The following SYT9 variants were observed in gnomAD, a reference collection of about 807,000 sequenced individuals.
SYT9 encodes synaptotagmin 9, also known as synaptotagmin-9.
Under a neutral mutation model 48.4 loss-of-function variants are expected in SYT9, and 22 were observed. The observed-to-expected ratio is 0.45, with a 90% confidence interval of 0.32 to 0.65. SYT9 has a LOEUF of 0.65. SYT9 is among the 30% of genes least tolerant of loss of function. The probability of loss-of-function intolerance (pLI) is 0.03; values close to 1 mark genes in which losing one functional copy is unlikely to be tolerated. For missense variants in SYT9, 577 were observed against 622.0 expected, an observed-to-expected ratio of 0.93 and a Z score of 0.77; for synonymous variants, 265 against 245.0, an observed-to-expected ratio of 1.08 and a Z score of -0.76.
intron 6 of SYT9, among the ~76,000 whole-genome samples, chr11:7,458,967 C>A (rs936782242): frequency 1.3e-5 from 2 of 152,208 alleles, no homozygotes; most frequent in Admixed American, 6.5e-5. Flanking sequence ...CGTGAGAATA[C>A]CCATTAGGAG....
intron 3 of SYT9, among the ~76,000 whole-genome samples, chr11:7,358,690 A>T (rs1270736921): frequency 6.6e-6 from 1 of 152,176 alleles, no homozygotes; most frequent in Non-Finnish European, 1.5e-5. Flanking sequence ...AGAAGATAAT[A>T]TTGTTTTACA....
chr11:7,369,777 CCA>C (rs141883559), intron 3 of SYT9, among the ~76,000 whole-genome samples: 6 of 123,966 alleles, frequency 4.8e-5, no homozygotes, highest in African/African-American at 1.3e-4. Flanking sequence ...TACATACACA[CCA>C]CACACACACA....
intron 3 of SYT9, among the ~76,000 whole-genome samples, chr11:7,384,225 A>G (rs1850616684): frequency 6.6e-6 from 1 of 152,090 alleles, no homozygotes; most frequent in Admixed American, 6.5e-5. Context: ...CTGTGGTTAC[A>G]TTCTTTTTTC....
At position 7,314,046 on chromosome 11, in the gene SYT9, A is replaced by G; in HGVS notation, c.1044+105A>G. On this transcript the variant is annotated intron_variant, in intron 3 of 6. Transcript: ENST00000318881. ...AGGACAAAGTGTAAAATTCCTGTCA[A>G]TGTACATGTAGCAGTTATTTCAGAA... is the stretch of plus-strand genomic sequence containing the variant. 5.4e-6 allele frequency: 7 copies of G among 1,303,788 alleles called. No individual in the cohort carries two copies. In the South Asian group the frequency reaches 9.6e-5, roughly 18 times the overall value. The allele number at this position is 1,303,788 out of a possible 1,614,324, so 80.8% of individuals were successfully genotyped here. A position where few individuals can be genotyped will look rare whatever the true frequency, so the allele number is the denominator to read the frequency against.
At chr11:7,248,877 C>G (rs1416479763), upstream of SYT9, among the ~76,000 whole-genome samples, 1 of 152,128 alleles carries the variant, frequency 6.6e-6, no homozygotes, top group Non-Finnish European at 1.5e-5. Context: ...ATAGCCAAAG[C>G]AAGACTAAGC....
upstream of SYT9, among the ~76,000 whole-genome samples, chr11:7,247,578 CAT>C (rs1029717353): frequency 2.6e-4 from 37 of 143,960 alleles, no homozygotes; most frequent in Non-Finnish European, 4.2e-4. Flanking sequence ...TACACATATA[CAT>C]ATATATGTGT....
At chr11:7,290,996 C>T (rs1848688084) in intron 1 of SYT9, among the ~76,000 whole-genome samples, 1 of 152,162 alleles carries the variant, frequency 6.6e-6, no homozygotes, top group Non-Finnish European at 1.5e-5. Context: ...GGAGCCATTG[C>T]TATCCACAGG....
intron 3 of SYT9, among the ~76,000 whole-genome samples, chr11:7,405,109 A>C (rs1034509782): frequency 1.3e-4 from 19 of 151,676 alleles, no homozygotes; most frequent in Middle Eastern, 3.4e-3. Flanking sequence ...AAAAAAAAAA[A>C]AGCCAAATAC....
chr11:7,372,281 G>A (rs1355430933), intron 3 of SYT9, among the ~76,000 whole-genome samples: 3 of 151,822 alleles, frequency 2.0e-5, no homozygotes, highest in Non-Finnish European at 4.4e-5. Flanking sequence ...ATTTATGTGG[G>A]GTTTTTTTGC....
At chr11:7,393,010 G>C (rs1846666690) in intron 3 of SYT9, among the ~76,000 whole-genome samples, 1 of 152,094 alleles carries the variant, frequency 6.6e-6, no homozygotes, top group Non-Finnish European at 1.5e-5. Flanking sequence ...GGAGACTTAA[G>C]GGTTTTCTAG....
intron 2 of SYT9, among the ~76,000 whole-genome samples, chr11:7,307,582 A>G (rs2133943871): frequency 6.6e-6 from 1 of 152,342 alleles, no homozygotes; most frequent in South Asian, 2.1e-4. Flanking sequence ...ATAAAGAGAG[A>G]AAAAATATAT....
Position 7,446,643 on chromosome 11 carries a change from C to G in SYT9, c.1468-20149C>G, listed in dbSNP as rs193045183. Among the ~76,000 whole-genome samples, 5 of 152,302 alleles carry G rather than the reference C, an allele frequency of 3.3e-5. No individual in the cohort carries two copies. In the East Asian group the frequency reaches 9.7e-4, roughly 29 times the overall value. ...TCCCAGAGCAAGGGAAGAAAAAGCC[C>G]TCCCTGGCCATCCCCCCCAGCCTCT... is the stretch of plus-strand genomic sequence containing the variant. On this transcript the variant is annotated intron_variant, in intron 6 of 6. Coordinates refer to ENST00000318881, the MANE Select transcript of SYT9 (RefSeq NM_175733.4).
chr11:7,307,565 G>A (rs1382412367), intron 2 of SYT9, among the ~76,000 whole-genome samples: 1 of 152,164 alleles, frequency 6.6e-6, no homozygotes, highest in Non-Finnish European at 1.5e-5. Context: ...AATATTAGGT[G>A]GTGGCAATAA....
chr11:7,378,681 A>G (rs1462329428), intron 3 of SYT9, among the ~76,000 whole-genome samples: 8 of 151,906 alleles, frequency 5.3e-5, no homozygotes, highest in Admixed American at 4.6e-4. Flanking sequence ...GTCTCCACCC[A>G]TGGTAGAATA....
chr11:7,249,348 A>T (rs11041285), upstream of SYT9, among the ~76,000 whole-genome samples: 3 of 152,146 alleles, frequency 2.0e-5, no homozygotes, highest in African/African-American at 7.2e-5. Context: ...TGTTGAATAA[A>T]GTGAGTCACA....
At chr11:7,311,684 A>G (rs1849136459) in intron 2 of SYT9, among the ~76,000 whole-genome samples, 1 of 152,224 alleles carries the variant, frequency 6.6e-6, no homozygotes, top group East Asian at 1.9e-4. Context: ...TTTTGAAGAA[A>G]AAATGTTTCT....
Position 7,314,383 on chromosome 11 carries a change from A to C in SYT9, c.1044+442A>C, listed in dbSNP as rs77002978. ...TGAGGTTGGCTCAAGAGCATTTCCCATGATTGGATCCTCAGCTTCAACCCT... is the reference window on the plus strand; with the variant it reads ...TGAGGTTGGCTCAAGAGCATTTCCCCTGATTGGATCCTCAGCTTCAACCCT... On this transcript the variant is annotated intron_variant, in intron 3 of 6. Transcript: ENST00000318881. 1,562 of 282,856 alleles carry C rather than the reference A, an allele frequency of 5.5e-3. 9 individuals carry two copies. The highest frequency in any genetic ancestry group is 7.8e-3 in the Non-Finnish European group (1,106 of 141,358). 17.5% of individuals were successfully genotyped at this position (282,856 alleles called of 1,614,324 possible). A position where few individuals can be genotyped will look rare whatever the true frequency, so the allele number is the denominator to read the frequency against.
chr11:7,447,116 C>T (rs979021056), intron 6 of SYT9, among the ~76,000 whole-genome samples: 12 of 152,164 alleles, frequency 7.9e-5, no homozygotes, highest in African/African-American at 2.2e-4. Flanking sequence ...GTGTCTGATT[C>T]GGGGTCTGAT....
intron 6 of SYT9, among the ~76,000 whole-genome samples, chr11:7,430,028 T>C (rs974919765): frequency 6.6e-6 from 1 of 152,196 alleles, no homozygotes; most frequent in Non-Finnish European, 1.5e-5. Flanking sequence ...GTCACATAGC[T>C]GTCCTTTCCC....
Sources: allele counts gnomAD v4.1 joint callset (sites outside exome capture counted in the v4.1 genomes callset), GRCh38; gene constraint gnomAD v4.1.1; transcripts MANE v1.5; gene names NCBI Gene and HGNC (gene_info 2026-07-23, HGNC 2026-07-21).